Variants in CTNNA3 observed in about 807,000 individuals in gnomAD.
CTNNA3 encodes catenin alpha-3.
Under a neutral mutation model 95.7 loss-of-function variants are expected in CTNNA3, and 76 were observed. The ratio of observed to expected loss-of-function variants is 0.79; its 90% CI spans 0.66 to 0.96. The LOEUF is 0.96. Among genes scored for constraint, CTNNA3 ranks in the 40% least tolerant of loss-of-function variants. CTNNA3 has a pLI of 0.00. For synonymous variants in CTNNA3, 431 were observed against 374.4 expected (o/e 1.15, Z -1.74); for missense variants, 1,191 against 1,089.8 (o/e 1.09, Z -1.31).
At chr10:65,987,867 A>T (rs989132569) in intron 16 of CTNNA3, among the ~76,000 whole-genome samples, 2 of 152,138 alleles carry the variant, frequency 1.3e-5, no homozygotes, top group Admixed American at 6.5e-5. Context: ...AAGAAAAATG[A>T]AATCCTGTCA....
intron 1 of CTNNA3, among the ~76,000 whole-genome samples, chr10:67,655,389 T>G (rs1294885321): frequency 6.6e-6 from 1 of 152,196 alleles, no homozygotes; most frequent in Non-Finnish European, 1.5e-5. Context: ...CTTTGCCTAA[T>G]ACCTGTCTCC....
intron 5 of CTNNA3, among the ~76,000 whole-genome samples, chr10:67,305,771 G>C (rs1264689991): frequency 6.6e-6 from 1 of 152,176 alleles, no homozygotes; most frequent in Admixed American, 6.5e-5. Flanking sequence ...AGACTCAATA[G>C]GACCTGGTGA....
In CTNNA3 at chr10:66,211,807, G is replaced by T. The variant is rs759601336; in HGVS notation, c.1884+68663C>A. Among the ~76,000 whole-genome samples the T allele has an allele frequency of 2.3e-4, 35 of 152,254 alleles. No individual in the cohort carries two copies. In the Middle Eastern group the frequency reaches 0.01, roughly 44 times the overall value. ...AAACACCAGCCAATTCCACAACAGA[G>T]TTGCAATCGGAGGGACCCAACAGGC... is the stretch of plus-strand genomic sequence containing the variant. On this transcript the variant is annotated intron_variant, in intron 13 of 17. Coordinates refer to ENST00000433211, the MANE Select transcript of CTNNA3 (RefSeq NM_013266.4).
chr10:66,283,020 A>G (rs1589028517), intron 12 of CTNNA3, among the ~76,000 whole-genome samples: 1 of 151,998 alleles, frequency 6.6e-6, no homozygotes. Flanking sequence ...CCAAAAATAT[A>G]TTTATGCAGG....
At chr10:66,066,539 A>G (rs2080317184) in intron 15 of CTNNA3, among the ~76,000 whole-genome samples, 2 of 152,274 alleles carry the variant, frequency 1.3e-5, no homozygotes, top group Admixed American at 1.3e-4. Flanking sequence ...TACTTTCTAT[A>G]TGAAGAGGAA....
chr10:67,396,581 C>T (rs1647099174), intron 5 of CTNNA3, among the ~76,000 whole-genome samples: 1 of 152,028 alleles, frequency 6.6e-6, no homozygotes, highest in Non-Finnish European at 1.5e-5. Context: ...TGATCAGAAG[C>T]CTTACCAATA....
At chr10:67,627,669 T>C (rs1589506243) in intron 2 of CTNNA3, among the ~76,000 whole-genome samples, 2 of 152,122 alleles carry the variant, frequency 1.3e-5, no homozygotes, top group African/African-American at 2.4e-5. Flanking sequence ...CTTGTTCTTA[T>C]ATGGCATAGA....
chr10:66,582,134 T>C (rs1172371287), intron 10 of CTNNA3, among the ~76,000 whole-genome samples: 1 of 151,918 alleles, frequency 6.6e-6, no homozygotes, highest in African/African-American at 2.4e-5. Flanking sequence ...GGGCTATTTT[T>C]TGGTTCCATG....
chr10:65,935,689 A>G (rs1007924296), intron 17 of CTNNA3, among the ~76,000 whole-genome samples: 1 of 152,084 alleles, frequency 6.6e-6, no homozygotes, highest in African/African-American at 2.4e-5. Flanking sequence ...GTCACGGAGA[A>G]CATTCATTTT....
intron 13 of CTNNA3, among the ~76,000 whole-genome samples, chr10:66,264,584 T>G (rs7910366): frequency 0.045 from 6,913 of 152,082 alleles, 277 homozygotes; most frequent in African/African-American, 0.1. Flanking sequence ...TTTATATCAT[T>G]TTTCCTTGAT....
At chr10:67,142,175 GA>G (rs1303036025) in intron 7 of CTNNA3, among the ~76,000 whole-genome samples, 1 of 150,878 alleles carries the variant, frequency 6.6e-6, no homozygotes, top group South Asian at 2.1e-4. Context: ...CAGGTGAGAG[GA>G]AAAAAAAGAG....
At chr10:66,193,088 G>A (rs1439686683) in intron 13 of CTNNA3, among the ~76,000 whole-genome samples, 2 of 152,160 alleles carry the variant, frequency 1.3e-5, no homozygotes, top group Admixed American at 1.3e-4. Context: ...ATTCACGAAA[G>A]CCATTTACAA....
At chr10:66,560,385 T>C (rs992984075) in intron 10 of CTNNA3, among the ~76,000 whole-genome samples, 2 of 151,080 alleles carry the variant, frequency 1.3e-5, no homozygotes, top group Admixed American at 6.6e-5. Flanking sequence ...TTCATAATAG[T>C]TGTACAATAA....
chr10:66,439,309 C>A (rs1269199083), intron 11 of CTNNA3, among the ~76,000 whole-genome samples: 2 of 151,788 alleles, frequency 1.3e-5, no homozygotes, highest in Non-Finnish European at 2.9e-5. Flanking sequence ...TAATCTTTTT[C>A]TTAAAAAAAG....
rs897663853 is a variant in CTNNA3 at position 66,350,540 on chromosome 10, G to GA, written c.1732+28611dup. 3.1e-4 allele frequency among the ~76,000 whole-genome samples: 40 copies of GA among 127,484 alleles called. 1 individual carries two copies. The highest frequency in any genetic ancestry group is 6.3e-4 in the African/African-American group (22 of 34,932). The allele number at this position is 127,484 out of a possible 152,430, so 83.6% of individuals were successfully genotyped here. A position where few individuals can be genotyped will look rare whatever the true frequency, so the allele number is the denominator to read the frequency against. On this transcript the variant is annotated intron_variant, in intron 12 of 17. Transcript: ENST00000433211. ...CAAAATAAATCAAAACGTAGCTCCA[G>GA]AAAAAAAAAATTGGGGAAGAAATTC...
chr10:67,124,567 T>C (rs1254724423), intron 7 of CTNNA3, among the ~76,000 whole-genome samples: 1 of 152,174 alleles, frequency 6.6e-6, no homozygotes, highest in Non-Finnish European at 1.5e-5. Flanking sequence ...TGACTAGCTA[T>C]GTCAAAAGGA....
intron 13 of CTNNA3, among the ~76,000 whole-genome samples, chr10:66,122,506 C>T (rs143696247): frequency 6.6e-5 from 10 of 152,002 alleles, no homozygotes; most frequent in African/African-American, 1.7e-4. Flanking sequence ...GAAGACCAAA[C>T]GGGATAAATA....
At chr10:66,641,654 A>T (rs1459262368) in intron 9 of CTNNA3, among the ~76,000 whole-genome samples, 1 of 152,036 alleles carries the variant, frequency 6.6e-6, no homozygotes, top group East Asian at 1.9e-4. Flanking sequence ...GCTCTTTTTC[A>T]TTGTGATAAA....
At chr10:66,448,954 G>A (rs1203642272) in intron 11 of CTNNA3, among the ~76,000 whole-genome samples, 1 of 151,844 alleles carries the variant, frequency 6.6e-6, no homozygotes, top group Non-Finnish European at 1.5e-5. Context: ...GATGAGATTG[G>A]CTAAGAGTAA....
Sources: gnomAD v4.1 joint callset for allele counts (sites outside exome capture counted in the v4.1 genomes callset) on GRCh38, gnomAD v4.1.1 for gene constraint, MANE v1.5 for transcripts, NCBI Gene and HGNC (gene_info 2026-07-23, HGNC 2026-07-21) for gene names.